The following MACF1 variants were observed in gnomAD, a reference collection of about 807,000 sequenced individuals.
MACF1 encodes the protein microtubule-actin cross-linking factor 1.
MACF1 carries 193 observed loss-of-function variants against 854.8 expected under a neutral mutation model. The observed-to-expected ratio is 0.23, with a 90% CI of 0.20 to 0.25. MACF1 has a LOEUF of 0.25. Among genes scored for constraint, MACF1 ranks in the 10% least tolerant of loss-of-function variants. MACF1 has a pLI of 1.00. For synonymous variants in MACF1, 3,185 were observed against 3,226.7 expected (o/e 0.99, Z 0.44); for missense variants, 7,722 against 8,929.1 (o/e 0.86, Z 5.45).
In MACF1 at chr1:39,226,342, A is replaced by ATT. The variant is rs5773656; in HGVS notation, c.110-4825_110-4824dup. On this transcript the variant is annotated intron_variant, in intron 1 of 100. Transcript: ENST00000564288. ...ATGAACAGAATAATTTATGGATAGT[A>ATT]TTTTTTTTTTTTTTTTGAGATGGAG... Among the ~76,000 whole-genome samples the ATT allele has an allele frequency of 1.9e-3, 264 of 142,202 alleles. 2 individuals are homozygous for ATT. Among genetic ancestry groups the ATT allele is most frequent in the African/African-American group, 6.5e-3 (252 of 38,598 alleles). The allele number at this position is 142,202 out of a possible 152,430, so 93.3% of individuals were successfully genotyped here. A position where few individuals can be genotyped will look rare whatever the true frequency, so the allele number is the denominator to read the frequency against.
intron 52 of MACF1, among the ~76,000 whole-genome samples, chr1:39,377,979 G>T (rs1177075650): frequency 6.6e-6 from 1 of 151,802 alleles, no homozygotes; most frequent in Admixed American, 6.6e-5. Context: ...ACTTCAGTCT[G>T]GGCAACAGAG....
chr1:39,085,473 T>C (rs1461145440), intron 2 of MACF1, among the ~76,000 whole-genome samples: 1 of 152,142 alleles, frequency 6.6e-6, no homozygotes, highest in African/African-American at 2.4e-5. Context: ...GTCCCTCAAA[T>C]AATACAGCCA....
At chr1:39,465,214 C>A (rs1308737421) in intron 95 of MACF1, 102 bp downstream of exon 95, 14 of 1,206,876 alleles carry the variant, frequency 1.2e-5, no homozygotes, top group Middle Eastern at 1.9e-4. Flanking sequence ...CTGAAGCATG[C>A]CTGGGTCGCA....
Position 39,283,139 on chromosome 1 carries a change from G to A in MACF1, c.696-50G>A, listed in dbSNP as rs1645584270. On this transcript the variant is annotated intron_variant, in intron 7 of 100. Transcript: ENST00000564288. This position sits in a 1 kb window ranked among gnomAD's most constrained non-coding sequence, Gnocchi z 4.5. ...GGAGGTTTTCTTTGTGTAAACTCAT[G>A]TGTGATGTGTAGATGGTGGCGTTTC... is the stretch of plus-strand genomic sequence containing the variant. 1 of 1,138,888 alleles carries A rather than the reference G, an allele frequency of 8.8e-7. No individual in the cohort carries two copies. The highest frequency in any genetic ancestry group is 1.3e-6 in the Non-Finnish European group (1 of 751,418). The allele number at this position is 1,138,888 out of a possible 1,614,324, so 70.5% of individuals were successfully genotyped here.
At chr1:39,218,182 C>CAAAAAAAAAAAA in intron 1 of MACF1, among the ~76,000 whole-genome samples, 1 of 84,484 alleles carries the variant, frequency 1.2e-5, no homozygotes, top group Non-Finnish European at 2.1e-5. Flanking sequence ...GACTCCGTCT[C>CAAAAAAAAAAAA]AAAAAAAAAA....
chr1:39,205,642 C>T (rs911186507), intron 1 of MACF1, among the ~76,000 whole-genome samples: 3 of 151,920 alleles, frequency 2.0e-5, no homozygotes, highest in African/African-American at 4.8e-5. Flanking sequence ...ATGTCCTTGC[C>T]GAGGGGCATC....
intron 21 of MACF1, chr1:39,299,206 T>C (rs1435844179): frequency 4.4e-6 from 2 of 456,140 alleles, no homozygotes; most frequent in Non-Finnish European, 8.8e-6. Flanking sequence ...CTTTCTTAAC[T>C]AATAAGTTAA....
intron 2 of MACF1, among the ~76,000 whole-genome samples, chr1:39,119,704 CTCT>C (rs529577665): frequency 1.2e-4 from 19 of 152,026 alleles, no homozygotes; most frequent in African/African-American, 3.1e-4. Flanking sequence ...CTGGACCTGC[CTCT>C]TCTTCTATGT....
intron 58 of MACF1, among the ~76,000 whole-genome samples, chr1:39,418,958 C>T (rs1248145728): frequency 2.0e-5 from 3 of 152,140 alleles, no homozygotes; most frequent in African/African-American, 7.2e-5. Flanking sequence ...TACAACCTTG[C>T]AACAATTTTT....
chr1:39,443,400 C>G lies in MACF1; in HGVS notation c.19303-46C>G, dbSNP rs1557657894. 2.6e-6 allele frequency: 4 copies of G among 1,555,914 alleles called. 1 individual carries two copies. The South Asian group carries it at 3.6e-5, about 14-fold the overall frequency. Reference sequence around the variant, plus strand: ...TCATTTGGAAAGTTGACTTTTAAAGCTGAGAAATGACTACTGACATGGTTG... The same window carrying G: ...TCATTTGGAAAGTTGACTTTTAAAGGTGAGAAATGACTACTGACATGGTTG... On this transcript the variant is annotated intron_variant, in intron 78 of 100. Coordinates refer to ENST00000564288, the MANE Select transcript of MACF1 (RefSeq NM_001394062.1).
At chr1:39,390,108 G>A (rs924448313) in intron 58 of MACF1, among the ~76,000 whole-genome samples, 1 of 152,156 alleles carries the variant, frequency 6.6e-6, no homozygotes, top group Non-Finnish European at 1.5e-5. Context: ...TGCCCCTAGA[G>A]TTTTCCTTGT....
intron 45 of MACF1, 126 bp from the exon 46 acceptor site, chr1:39,358,571 C>A: frequency 1.2e-6 from 1 of 827,624 alleles, no homozygotes; most frequent in East Asian, 2.5e-5. Context: ...TCCATGGGTT[C>A]TGGCAATACC....
Position 39,360,670 on chromosome 1 carries a change from A to G in MACF1, c.12245-123A>G, listed in dbSNP as rs1038125091. The G allele has an allele frequency of 6.9e-5, 18 of 260,276 alleles. No individual in the cohort carries two copies. In the South Asian group the frequency reaches 1.1e-3, roughly 16 times the overall value. 16.1% of individuals were successfully genotyped at this position (260,276 alleles called of 1,614,324 possible). A position where few individuals can be genotyped will look rare whatever the true frequency, so the allele number is the denominator to read the frequency against. On this transcript the variant is annotated intron_variant, in intron 47 of 100. Coordinates refer to ENST00000564288, the MANE Select transcript of MACF1 (RefSeq NM_001394062.1). ...TGGGCAACATATTAAGACCACATCC[A>G]TATAATAATAATAATAATAATAATT...
At chr1:39,453,992 C>G in intron 88 of MACF1, 142 bp downstream of exon 88, 1 of 1,068,850 alleles carries the variant, frequency 9.4e-7, no homozygotes. Flanking sequence ...TTAGTAAAGA[C>G]TGTTTTCTTG....
intron 2 of MACF1, among the ~76,000 whole-genome samples, chr1:39,231,824 C>T (rs777570434): frequency 3.3e-5 from 5 of 151,824 alleles, no homozygotes; most frequent in Admixed American, 6.6e-5. Context: ...GGATTACAGG[C>T]GTGAGCCACT....
chr1:39,285,960 A>G (rs541708910), intron 14 of MACF1, among the ~76,000 whole-genome samples: 1 of 152,292 alleles, frequency 6.6e-6, no homozygotes, highest in South Asian at 2.1e-4. Context: ...CCATCCCACT[A>G]AGTACCTATA....
In MACF1 at chr1:39,474,471, G is replaced by A. The variant is rs143107720; in HGVS notation, c.21958+4856G>A. ...AGCACTCTGGGAGGCTGAGCCGGGC[G>A]GATCACCCGAGGTCAGGAGTTCAAG... is the stretch of plus-strand genomic sequence containing the variant. On this transcript the variant is annotated intron_variant, in intron 97 of 100. Coordinates refer to ENST00000564288, the MANE Select transcript of MACF1 (RefSeq NM_001394062.1). 1.2e-3 allele frequency among the ~76,000 whole-genome samples: 186 copies of A among 152,112 alleles called. 1 individual carries two copies. Among genetic ancestry groups the A allele is most frequent in the African/African-American group, 4.4e-3 (183 of 41,496 alleles).
chr1:39,101,261 G>A (rs1322481983), intron 2 of MACF1, among the ~76,000 whole-genome samples: 10 of 151,094 alleles, frequency 6.6e-5, no homozygotes, highest in Non-Finnish European at 7.4e-5. Flanking sequence ...AGAGGCTGAG[G>A]CAGGAGAATC....
At chr1:39,481,721 G>GAC (rs1188725407) in intron 99 of MACF1, among the ~76,000 whole-genome samples, 1 of 152,208 alleles carries the variant, frequency 6.6e-6, no homozygotes, top group Non-Finnish European at 1.5e-5. Context: ...ATAAAACATG[G>GAC]ACTAGTGGCT....
Sources: gnomAD v4.1 joint callset for allele counts (sites outside exome capture counted in the v4.1 genomes callset) on GRCh38, gnomAD v4.1.1 for gene constraint, Gnocchi (gnomAD v3.1) non-coding constraint, MANE v1.5 for transcripts, NCBI Gene and HGNC (gene_info 2026-07-23, HGNC 2026-07-21) for gene names.